Variants in NLRP4 observed in about 807,000 individuals in gnomAD.
NLRP4 encodes NACHT, LRR and PYD domains-containing protein 4.
Under a neutral mutation model 84.7 loss-of-function variants are expected in NLRP4, and 44 were observed. The observed-to-expected ratio is 0.52, with a 90% CI of 0.41 to 0.67. The LOEUF (loss-of-function observed/expected upper bound fraction) is 0.67. Among genes scored for constraint, NLRP4 ranks in the 30% least tolerant of loss-of-function variants. The pLI, the probability that NLRP4 is intolerant of heterozygous loss-of-function variation, is 0.00. For synonymous variants in NLRP4, 544 were observed against 476.4 expected, an observed-to-expected ratio of 1.14 and a Z score of -1.85; for missense variants, 1,260 against 1,219.4, an observed-to-expected ratio of 1.03 and a Z score of -0.50.
intron 9 of NLRP4, among the ~76,000 whole-genome samples, chr19:55,880,045 C>G (rs1395018114): frequency 6.6e-6 from 1 of 151,712 alleles, no homozygotes; most frequent in Non-Finnish European, 1.5e-5. Context: ...TTCATTTTCC[C>G]CTACTGTTTT....
chr19:55,858,605 A>C lies in NLRP4; in HGVS notation c.1212A>C (p.Ala404=), dbSNP rs775316076. ...TGAAGGCCCTGTGCTCCCTGGCTGC[A>C]GAGGGTATGTGGACAGACACATTTG... ...HQLKALCSLA[A]EGMWTDTFEF... Residue 404 remains alanine (A), a synonymous_variant, in exon 3 of 10, where the codon GCA becomes GCC. Coordinates refer to ENST00000301295, the MANE Select transcript of NLRP4 (RefSeq NM_134444.5). The surrounding 1 kb of genome is among the most constrained non-coding windows in gnomAD (Gnocchi z 4.2). 1.2e-6 allele frequency: 2 copies of C among 1,614,192 alleles called. No homozygotes were observed.
chr19:55,850,345 A>C (rs112667414), intron 1 of NLRP4, among the ~76,000 whole-genome samples: 2 of 52,640 alleles, frequency 3.8e-5, no homozygotes, highest in Middle Eastern at 0.014. Context: ...CTGCGGTGTA[A>C]TTTCCGAGGC....
At chr19:55,861,855 T>A (rs887941196) in intron 4 of NLRP4, 137 bp from the exon 5 acceptor site, 15 of 711,182 alleles carry the variant, frequency 2.1e-5, no homozygotes, top group African/African-American at 2.0e-4. Context: ...ATCTCTCAAG[T>A]TGAGAACTAC....
chr19:55,879,636 T>A (rs1380872537), intron 9 of NLRP4, among the ~76,000 whole-genome samples: 1 of 152,190 alleles, frequency 6.6e-6, no homozygotes, highest in African/African-American at 2.4e-5. Flanking sequence ...CTCTTTTCAC[T>A]GGCGCAGCTG....
intron 2 of NLRP4, 126 bp downstream of exon 2, chr19:55,852,486 T>C: frequency 1.5e-6 from 1 of 654,996 alleles, no homozygotes; most frequent in East Asian, 3.0e-5. Context: ...GTTTTTTTTT[T>C]TTTTTTTTTG....
chr19:55,861,052 C>T (rs1600232565), intron 3 of NLRP4, among the ~76,000 whole-genome samples: 1 of 152,190 alleles, frequency 6.6e-6, no homozygotes, highest in African/African-American at 2.4e-5. Flanking sequence ...GGGGCTGGCT[C>T]TCCTGTTACA....
intron 1 of NLRP4, among the ~76,000 whole-genome samples, chr19:55,842,040 A>G (rs1022140041): frequency 2.6e-5 from 4 of 152,212 alleles, no homozygotes; most frequent in African/African-American, 9.6e-5. Context: ...CTGCTAACTT[A>G]CATTCCTACC....
rs373873139 is a variant in NLRP4, at chr19:55,857,753, C to T, written c.360C>T (p.His120=). The T allele has an allele frequency of 9.3e-6, 15 of 1,613,892 alleles. No homozygotes were observed. Among genetic ancestry groups the T allele is most frequent in the Admixed American group, 3.3e-5 (2 of 60,020 alleles). Residue 120 remains histidine, a synonymous_variant, in exon 3 of 10, where the codon CAC becomes CAT. Transcript: ENST00000301295. ...CCAGCAAGTCTGTCACTGAGATTCACCTATACTTTGAGGAGGAAGTCAAGC... is the reference window on the plus strand; with the variant it reads ...CCAGCAAGTCTGTCACTGAGATTCATCTATACTTTGAGGAGGAAGTCAAGC... The part of the protein sequence containing the change: ...LWSSKSVTEI[H]LYFEEEVKQE...
In NLRP4 at chr19:55,847,745, C is replaced by T. The variant is rs530087769; in HGVS notation, c.-65-4271C>T. Among the ~76,000 whole-genome samples, 260 of 144,882 alleles carry T rather than the reference C, an allele frequency of 1.8e-3. 1 individual carries two copies. The highest frequency in any genetic ancestry group is 3.9e-3 in the African/African-American group (151 of 39,008). ...TTTTTTTTTTTTTGAGATGGAGTCT[C>T]GCTCTGTTGCCCAGGCTGGAGTGCA... On this transcript the variant is annotated intron_variant, in intron 1 of 9. Coordinates refer to ENST00000301295, the MANE Select transcript of NLRP4 (RefSeq NM_134444.5).
At position 55,854,455 on chromosome 19, in the gene NLRP4, G is replaced by C. The variant is rs796699296; in HGVS notation, c.280+2095G>C. Among the ~76,000 whole-genome samples, 27 of 151,622 alleles carry C rather than the reference G, an allele frequency of 1.8e-4. 1 individual carries two copies. Among genetic ancestry groups the C allele is most frequent in the African/African-American group, 6.5e-4 (27 of 41,306 alleles). On this transcript the variant is annotated intron_variant, in intron 2 of 9. Transcript: ENST00000301295. The stretch of plus-strand genomic sequence containing the variant: ...TACTGTTTCTTTTTCTCTTTATCTG[G>C]TCATACAGTCTCCTAGTATGTCCGG...
chr19:55,860,114 T>A (rs1428258636), intron 3 of NLRP4, among the ~76,000 whole-genome samples: 1 of 151,362 alleles, frequency 6.6e-6, no homozygotes, highest in Non-Finnish European at 1.5e-5. Flanking sequence ...GCCTCCCGAA[T>A]AGCTGGGACT....
At chr19:55,855,762 G>C (rs1162302718) in intron 2 of NLRP4, among the ~76,000 whole-genome samples, 1 of 152,272 alleles carries the variant, frequency 6.6e-6, no homozygotes, top group Non-Finnish European at 1.5e-5. Context: ...TTAAGGAACA[G>C]ATAACTGTAA....
intron 2 of NLRP4, among the ~76,000 whole-genome samples, chr19:55,856,849 A>G (rs536792602): frequency 2.0e-5 from 3 of 152,258 alleles, no homozygotes; most frequent in African/African-American, 7.2e-5. Flanking sequence ...TCTTTTGAGA[A>G]TTCTGCCATT....
At chr19:55,856,281 A>G (rs1425292437) in intron 2 of NLRP4, among the ~76,000 whole-genome samples, 2 of 152,134 alleles carry the variant, frequency 1.3e-5, no homozygotes, top group Admixed American at 1.3e-4. Flanking sequence ...GGCGTGAGCC[A>G]CTGCGCCCAG....
In NLRP4 at chr19:55,849,923, TAATTTCC is replaced by T. The variant is rs1983969299; in HGVS notation, c.-65-2092_-65-2086del. 1.4e-5 allele frequency among the ~76,000 whole-genome samples: 2 copies of T among 145,176 alleles called. 1 individual carries two copies. Among genetic ancestry groups the T allele is most frequent in the African/African-American group, 5.4e-5 (2 of 37,292 alleles). ...CGGTGTAATTTCCGTAGCCGCGGTG[TAATTTCC>T]GTAGCCGCGGTGTAATTTCCGAGAC... On this transcript the variant is annotated intron_variant, in intron 1 of 9. Coordinates refer to ENST00000301295, the MANE Select transcript of NLRP4 (RefSeq NM_134444.5).
At chr19:55,860,273 C>T (rs1226608699) in intron 3 of NLRP4, among the ~76,000 whole-genome samples, 5 of 152,166 alleles carry the variant, frequency 3.3e-5, no homozygotes, top group Admixed American at 1.3e-4. Flanking sequence ...GCGTGAGCCA[C>T]CGTGCCCGGC....
chr19:55,852,012 A>T lies in NLRP4; in HGVS notation c.-65-4A>T. 2 of 1,191,548 alleles carry T rather than the reference A, an allele frequency of 1.7e-6. No homozygotes were observed. The highest frequency in any genetic ancestry group is 2.4e-6 in the Non-Finnish European group (2 of 824,662). 73.8% of individuals were successfully genotyped at this position (1,191,548 alleles called of 1,614,324 possible). ...AACTTGGCACTGTCCTGAATTTTCT[A>T]CAGGTTTTATTTATTTATTGTTCCT... is the stretch of plus-strand genomic sequence containing the variant. On this transcript the variant is annotated splice_region_variant and splice_polypyrimidine_tract_variant and intron_variant, in intron 1 of 9. Coordinates refer to ENST00000301295, the MANE Select transcript of NLRP4 (RefSeq NM_134444.5).
intron 2 of NLRP4, 61 bp from the exon 3 acceptor site, chr19:55,857,613 G>T (rs768158154): frequency 2.6e-6 from 4 of 1,515,780 alleles, no homozygotes; most frequent in Non-Finnish European, 3.6e-6. Context: ...AAGAAAAAAA[G>T]AATATATGCA....
intron 1 of NLRP4, among the ~76,000 whole-genome samples, chr19:55,837,962 G>C (rs1983436697): frequency 6.6e-6 from 1 of 150,664 alleles, no homozygotes; most frequent in South Asian, 2.1e-4. Flanking sequence ...CCTGAACCCA[G>C]GAGGTGGAGA....
Sources: gnomAD v4.1 joint callset for allele counts (sites outside exome capture counted in the v4.1 genomes callset) on GRCh38, gnomAD v4.1.1 for gene constraint, Gnocchi (gnomAD v3.1) non-coding constraint, MANE v1.5 for transcripts, NCBI Gene and HGNC (gene_info 2026-07-23, HGNC 2026-07-21) for gene names.